CNTLN: variants seen among roughly 807,000 people sequenced by gnomAD.
CNTLN encodes centlein, centrosomal protein.
Under a neutral mutation model 180.0 loss-of-function variants are expected in CNTLN, and 212 were observed. That is an observed-to-expected ratio of 1.18 (90% confidence interval 1.05 to 1.32). CNTLN has a LOEUF of 1.32. Among genes scored for constraint, CNTLN ranks in the 40% most tolerant of loss-of-function variants. CNTLN has a pLI of 0.00. For synonymous variants in CNTLN, 722 were observed against 563.1 expected, an observed-to-expected ratio of 1.28 and a Z score of -3.99; for missense variants, 2,095 against 1,610.9, an observed-to-expected ratio of 1.30 and a Z score of -5.14.
intron 1 of CNTLN, among the ~76,000 whole-genome samples, chr9:17,138,005 T>C (rs545076376): frequency 1.3e-5 from 2 of 152,314 alleles, no homozygotes; most frequent in African/African-American, 4.8e-5. Context: ...GCTATCTGTA[T>C]TGGACTTACT....
chr9:17,505,465 ATT>A (rs1411099153), downstream of CNTLN, among the ~76,000 whole-genome samples: 1 of 152,166 alleles, frequency 6.6e-6, no homozygotes, highest in Non-Finnish European at 1.5e-5. Context: ...ACATGGAAAG[ATT>A]GTGTTTCTAT....
chr9:17,226,854 G>T (rs1824500284), intron 3 of CNTLN, among the ~76,000 whole-genome samples: 1 of 151,894 alleles, frequency 6.6e-6, no homozygotes, highest in Admixed American at 6.6e-5. Context: ...ACTTCATATG[G>T]TTATAGCAGG....
chr9:17,225,136 C>T (rs1036065533), intron 2 of CNTLN, among the ~76,000 whole-genome samples: 17 of 151,954 alleles, frequency 1.1e-4, no homozygotes, highest in African/African-American at 3.6e-4. Flanking sequence ...TGGGGAGCTA[C>T]ATCTATAAAC....
chr9:17,194,779 C>T (rs1822017120), intron 2 of CNTLN, among the ~76,000 whole-genome samples: 1 of 152,186 alleles, frequency 6.6e-6, no homozygotes, highest in African/African-American at 2.4e-5. Context: ...TGTTTTCACA[C>T]TGCTCATAAA....
chr9:17,337,627 T>G (rs1821143697), intron 10 of CNTLN, among the ~76,000 whole-genome samples: 1 of 152,204 alleles, frequency 6.6e-6, no homozygotes, highest in African/African-American at 2.4e-5. Context: ...AGATTTTTAT[T>G]GATTCTTAGT....
At chr9:17,193,392 T>G (rs1012535399) in intron 2 of CNTLN, among the ~76,000 whole-genome samples, 3 of 152,022 alleles carry the variant, frequency 2.0e-5, no homozygotes, top group African/African-American at 7.2e-5. Flanking sequence ...CCAGATACAA[T>G]GGGGGTACAG....
intron 8 of CNTLN, among the ~76,000 whole-genome samples, chr9:17,311,598 A>C (rs1819140167): frequency 6.6e-6 from 1 of 151,836 alleles, no homozygotes; most frequent in Non-Finnish European, 1.5e-5. Flanking sequence ...TCATGAGGTC[A>C]AGAGTTAGAG....
chr9:17,467,909 T>C (rs1831839366), intron 23 of CNTLN, among the ~76,000 whole-genome samples: 1 of 151,644 alleles, frequency 6.6e-6, no homozygotes, highest in South Asian at 2.1e-4. Flanking sequence ...CAAAATAATA[T>C]AAATCCTTCT....
intron 15 of CNTLN, among the ~76,000 whole-genome samples, chr9:17,402,709 A>C (rs139512835): frequency 6.6e-6 from 1 of 151,908 alleles, no homozygotes; most frequent in East Asian, 1.9e-4. Flanking sequence ...TTTAATCTGC[A>C]CCATCAGCTC....
chr9:17,202,707 C>G (rs80036281), intron 2 of CNTLN, among the ~76,000 whole-genome samples: 5 of 137,902 alleles, frequency 3.6e-5, no homozygotes, highest in African/African-American at 1.4e-4. Flanking sequence ...TTCCTTCATC[C>G]CTTTATTTTG....
chr9:17,361,914 T>G (rs750431011), intron 12 of CNTLN, among the ~76,000 whole-genome samples: 2 of 152,134 alleles, frequency 1.3e-5, no homozygotes, highest in Non-Finnish European at 2.9e-5. Context: ...GAAACACCAG[T>G]GTAAGTGGAT....
At chr9:17,428,686 G>A (rs1029892221) in intron 18 of CNTLN, among the ~76,000 whole-genome samples, 2 of 151,990 alleles carry the variant, frequency 1.3e-5, no homozygotes, top group Non-Finnish European at 1.5e-5. Context: ...GTTAACTTGT[G>A]CATGTTTATT....
chr9:17,185,468 T>C (rs1386439075), intron 2 of CNTLN, among the ~76,000 whole-genome samples: 1 of 152,240 alleles, frequency 6.6e-6, no homozygotes, highest in Non-Finnish European at 1.5e-5. Context: ...GCAAACGTTT[T>C]CTTTTTAATT....
At chr9:17,404,141 C>A (rs1049002345) in intron 15 of CNTLN, among the ~76,000 whole-genome samples, 1 of 151,672 alleles carries the variant, frequency 6.6e-6, no homozygotes, top group Non-Finnish European at 1.5e-5. Context: ...ACTGGTATTA[C>A]TATATTTTTC....
intron 18 of CNTLN, among the ~76,000 whole-genome samples, chr9:17,424,922 T>G (rs926631639): frequency 9.9e-5 from 15 of 152,178 alleles, no homozygotes; most frequent in African/African-American, 3.6e-4. Context: ...AACTCTATTC[T>G]TATAAATTGG....
intron 16 of CNTLN, among the ~76,000 whole-genome samples, chr9:17,410,405 C>G (rs773931397): frequency 5.3e-5 from 8 of 152,150 alleles, no homozygotes; most frequent in Non-Finnish European, 1.0e-4. Flanking sequence ...ATTTTTCTTA[C>G]TGGCTTAGAC....
intron 3 of CNTLN, among the ~76,000 whole-genome samples, chr9:17,229,226 C>T (rs948112646): frequency 2.6e-5 from 4 of 151,830 alleles, no homozygotes; most frequent in African/African-American, 4.8e-5. Context: ...TTGTCATTGT[C>T]GTAAAATGCT....
At chr9:17,210,267 A>G (rs1433517845) in intron 2 of CNTLN, among the ~76,000 whole-genome samples, 2 of 152,002 alleles carry the variant, frequency 1.3e-5, no homozygotes, top group African/African-American at 2.4e-5. Flanking sequence ...CCTGTGTCCA[A>G]ATGTTCTCAT....
At chr9:17,294,686 C>G (rs1044393330) in intron 6 of CNTLN, among the ~76,000 whole-genome samples, 2 of 146,652 alleles carry the variant, frequency 1.4e-5, no homozygotes, top group Non-Finnish European at 3.0e-5. Context: ...CACCAGCACT[C>G]CTCAGCCCTT....
Sources: gnomAD v4.1 joint callset for allele counts (sites outside exome capture counted in the v4.1 genomes callset) on GRCh38, gnomAD v4.1.1 for gene constraint, MANE v1.5 for transcripts, NCBI Gene and HGNC (gene_info 2026-07-23, HGNC 2026-07-21) for gene names.